EML5: variants seen among roughly 807,000 people sequenced by gnomAD.
EML5 encodes echinoderm microtubule-associated protein-like 5.
A neutral mutation model predicts 250.0 loss-of-function variants in EML5; 120 were observed. That is an observed-to-expected ratio of 0.48 (90% CI 0.41 to 0.56). The LOEUF is 0.56. EML5 is among the 20% of genes least tolerant of loss of function. The pLI, the probability that EML5 is intolerant of heterozygous loss-of-function variation, is 0.00. For synonymous variants in EML5, 771 were observed against 806.5 expected (o/e 0.96, Z 0.75); for missense variants, 2,006 against 2,437.6 (o/e 0.82, Z 3.73).
At chr14:88,690,326 T>A (rs758147740) in intron 17 of EML5, among the ~76,000 whole-genome samples, 7 of 152,182 alleles carry the variant, frequency 4.6e-5, no homozygotes, top group Non-Finnish European at 1.0e-4. Context: ...GACTTCTGGA[T>A]TGAGAATAGA....
At chr14:88,767,210 G>A (rs920932167) in intron 1 of EML5, among the ~76,000 whole-genome samples, 1 of 152,148 alleles carries the variant, frequency 6.6e-6, no homozygotes, top group Non-Finnish European at 1.5e-5. Context: ...CCCAATGTTA[G>A]TTCAGTTTTA....
intron 8 of EML5, among the ~76,000 whole-genome samples, chr14:88,716,861 A>G (rs12589982): frequency 0.24 from 36,087 of 152,064 alleles, 4,474 homozygotes; most frequent in East Asian, 0.37. Context: ...ACTCTCTCAC[A>G]TGAAGAGTTT....
intron 1 of EML5, among the ~76,000 whole-genome samples, chr14:88,780,725 G>A (rs1000113791): frequency 3.9e-5 from 6 of 152,094 alleles, no homozygotes; most frequent in Admixed American, 2.0e-4. Flanking sequence ...ACAGGCGCGC[G>A]CCATCATGCC....
rs971106468 is a variant in EML5 at position 88,627,586 on chromosome 14, A to G, written c.4531+60T>C. ...ACTTTAAGACAAATATTAAATACAG[A>G]ATTCCTACTACCTTTGTATTCTTGT... On this transcript the variant is annotated intron_variant, in intron 34 of 43. Transcript: ENST00000554922. 7.4e-6 allele frequency: 11 copies of G among 1,496,576 alleles called. No individual in the cohort carries two copies. The East Asian group carries it at 2.3e-4, about 31-fold the overall frequency. The allele number at this position is 1,496,576 out of a possible 1,614,324, so 92.7% of individuals were successfully genotyped here. A position where few individuals can be genotyped will look rare whatever the true frequency, so the allele number is the denominator to read the frequency against.
At chr14:88,666,558 G>A (rs1462510480) in intron 21 of EML5, among the ~76,000 whole-genome samples, 1 of 151,982 alleles carries the variant, frequency 6.6e-6, no homozygotes. Flanking sequence ...AAATCTAATA[G>A]GCCATTATTA....
chr14:88,625,237 C>T (rs955821711), intron 35 of EML5, 110 bp from the exon 36 acceptor site: 2 of 1,293,710 alleles, frequency 1.5e-6, no homozygotes, highest in East Asian at 5.1e-5. Flanking sequence ...ATACAAAGAG[C>T]ATGCATCGTG....
intron 42 of EML5, 145 bp from the exon 43 acceptor site, chr14:88,616,387 A>G: frequency 1.3e-6 from 1 of 783,898 alleles, no homozygotes; most frequent in Non-Finnish European, 2.1e-6. Context: ...GCTTTTCAGC[A>G]TGAGTAGTGG....
intron 20 of EML5, among the ~76,000 whole-genome samples, chr14:88,684,530 C>CATTT (rs67617516): frequency 4.2e-5 from 1 of 23,654 alleles, no homozygotes; most frequent in Non-Finnish European, 6.2e-5. Context: ...TTTTAGCATA[C>CATTT]ATTTTTATTT....
intron 31 of EML5, among the ~76,000 whole-genome samples, chr14:88,640,937 C>T (rs982198569): frequency 9.2e-5 from 14 of 151,878 alleles, no homozygotes; most frequent in African/African-American, 2.9e-4. Context: ...CCTCTAAATA[C>T]ACAAACTAGA....
At chr14:88,681,465 C>T (rs1275704264) in intron 21 of EML5, among the ~76,000 whole-genome samples, 1 of 152,162 alleles carries the variant, frequency 6.6e-6, no homozygotes, top group African/African-American at 2.4e-5. Context: ...GCTTCATCTG[C>T]TTCCTACAAA....
intron 10 of EML5, among the ~76,000 whole-genome samples, chr14:88,707,942 A>G (rs1825158278): frequency 6.6e-6 from 1 of 152,194 alleles, no homozygotes; most frequent in South Asian, 2.1e-4. Context: ...AGAAATTCTA[A>G]CAAATAAAAT....
At chr14:88,700,645 T>G (rs527343626) in intron 14 of EML5, among the ~76,000 whole-genome samples, 1 of 152,276 alleles carries the variant, frequency 6.6e-6, no homozygotes, top group South Asian at 2.1e-4. Context: ...ACAGAGTTTT[T>G]AATCACATCT....
At chr14:88,782,338 G>A (rs1326460873) in intron 1 of EML5, among the ~76,000 whole-genome samples, 1 of 152,184 alleles carries the variant, frequency 6.6e-6, no homozygotes, top group African/African-American at 2.4e-5. Context: ...AGAGGAAGCA[G>A]AGCATGAAAG....
chr14:88,744,130 C>A (rs768457274), intron 3 of EML5, 39 bp from the exon 4 acceptor site: 3 of 1,417,672 alleles, frequency 2.1e-6, no homozygotes, highest in Admixed American at 2.2e-5. Context: ...ATACTTATTT[C>A]CAGAATCATT....
intron 8 of EML5, among the ~76,000 whole-genome samples, chr14:88,725,811 T>C (rs1250343045): frequency 6.6e-6 from 1 of 152,062 alleles, no homozygotes; most frequent in Non-Finnish European, 1.5e-5. Flanking sequence ...ATGGTGAGAA[T>C]AGAAGGAAGG....
At chr14:88,669,187 C>G (rs758474958) in intron 21 of EML5, among the ~76,000 whole-genome samples, 3 of 152,190 alleles carry the variant, frequency 2.0e-5, no homozygotes, top group African/African-American at 4.8e-5. Flanking sequence ...AGGAGATCCC[C>G]TCCGTGAGCC....
At chr14:88,621,043 A>T in intron 38 of EML5, 70 bp downstream of exon 38, 1 of 1,507,230 alleles carries the variant, frequency 6.6e-7, no homozygotes, top group Non-Finnish European at 8.9e-7. Context: ...TTTAAGTACT[A>T]GCAATTTAGA....
At chr14:88,680,341 A>T (rs552644270) in intron 21 of EML5, among the ~76,000 whole-genome samples, 3 of 152,148 alleles carry the variant, frequency 2.0e-5, no homozygotes, top group East Asian at 1.9e-4. Context: ...CCTTTTTTTT[A>T]AAATGTGTCT....
chr14:88,755,011 G>A (rs2094142199), intron 1 of EML5, among the ~76,000 whole-genome samples: 1 of 151,846 alleles, frequency 6.6e-6, no homozygotes, highest in African/African-American at 2.4e-5. Flanking sequence ...CGCCACATTG[G>A]CCAGGTTAGT....
Sources: allele counts gnomAD v4.1 joint callset (sites outside exome capture counted in the v4.1 genomes callset), GRCh38; gene constraint gnomAD v4.1.1; transcripts MANE v1.5; gene names NCBI Gene and HGNC (gene_info 2026-07-23, HGNC 2026-07-21).